The following C2CD3 variants were observed in gnomAD, a reference collection of about 807,000 sequenced individuals.
C2CD3 encodes the protein C2 domain containing 3 centriole elongation regulator.
C2CD3 carries 148 observed loss-of-function variants against 234.0 expected under a neutral mutation model. The observed-to-expected ratio is 0.63, with a 90% CI of 0.55 to 0.72. The LOEUF (loss-of-function observed/expected upper bound fraction) is 0.72. Ranked by LOEUF, C2CD3 falls within the 30% of genes least tolerant of loss-of-function variation. The pLI is 0.00. For synonymous variants in C2CD3, 1,000 were observed against 1,035.4 expected (o/e 0.97, Z 0.66); for missense variants, 2,577 against 2,811.5 (o/e 0.92, Z 1.89).
At chr11:74,145,343 G>T (rs1036866442) in intron 3 of C2CD3, among the ~76,000 whole-genome samples, 1 of 152,074 alleles carries the variant, frequency 6.6e-6, no homozygotes, top group African/African-American at 2.4e-5. Context: ...TTTCACGTTT[G>T]TTGGCGCATG....
At chr11:74,080,007 G>A (rs181641920) in intron 22 of C2CD3, among the ~76,000 whole-genome samples, 3 of 152,216 alleles carry the variant, frequency 2.0e-5, no homozygotes, top group African/African-American at 7.2e-5. Flanking sequence ...GTAAATTAAT[G>A]GGCACAGTGT....
intron 31 of C2CD3, 42 bp from the exon 32 acceptor site, chr11:74,028,440 C>T (rs1227930424): frequency 7.5e-7 from 1 of 1,328,948 alleles, no homozygotes; most frequent in Non-Finnish European, 1.0e-6. Flanking sequence ...AGAAGTCCAC[C>T]CCTCTTGCAG....
chr11:74,049,907 A>G (rs1036986012), intron 26 of C2CD3, among the ~76,000 whole-genome samples: 2 of 152,076 alleles, frequency 1.3e-5, no homozygotes, highest in Admixed American at 6.6e-5. Context: ...CAGTCTCCCA[A>G]GTAGCTAGGA....
At chr11:74,131,866 C>G (rs891446527) in intron 7 of C2CD3, among the ~76,000 whole-genome samples, 5 of 152,136 alleles carry the variant, frequency 3.3e-5, no homozygotes, top group Admixed American at 2.6e-4. Context: ...GCTTTTGGAG[C>G]CTTTGAAACA....
At chr11:74,099,849 T>C (rs1252298952) in intron 15 of C2CD3, among the ~76,000 whole-genome samples, 2 of 148,580 alleles carry the variant, frequency 1.3e-5, no homozygotes, top group African/African-American at 5.0e-5. Flanking sequence ...TGAGCCGAGA[T>C]CGTGCCACTG....
intron 13 of C2CD3, among the ~76,000 whole-genome samples, chr11:74,105,390 C>T (rs568418706): frequency 4.6e-5 from 7 of 152,206 alleles, no homozygotes; most frequent in African/African-American, 1.7e-4. Context: ...TGTGTCTCAG[C>T]CTCCCGAGTA....
intron 23 of C2CD3, among the ~76,000 whole-genome samples, chr11:74,077,129 G>A (rs567922636): frequency 6.6e-6 from 1 of 151,878 alleles, no homozygotes; most frequent in African/African-American, 2.4e-5. Context: ...TTTTCTTTAT[G>A]GTTCCAAGAT....
rs929612760 is a variant in C2CD3 at position 74,034,274 on chromosome 11, C to A, written c.5886G>T (p.Leu1962=). 6.5e-7 allele frequency: 1 copy of A among 1,534,158 alleles called. No individual in the cohort carries two copies. The highest frequency in any genetic ancestry group is 8.7e-7 in the Non-Finnish European group (1 of 1,145,730). The change falls in exon 31 of 33, where the codon CTG becomes CTT. Residue 1962 remains leucine (L), a synonymous_variant. Transcript: ENST00000334126. ...VLQVSSLITD[L]QTITRDSQAA... is the part of the protein sequence containing the mutation. ...CTTGCGAATCCCTGGTGATAGTCTG[C>A]AGATCTGAACAGCAACACATATCAC...
In C2CD3 at chr11:74,028,410, G is replaced by T; in HGVS notation, c.6810-12C>A. 2 of 1,518,118 alleles carry T rather than the reference G, an allele frequency of 1.3e-6. No individual in the cohort carries two copies. Among genetic ancestry groups the T allele is most frequent in the Non-Finnish European group, 1.8e-6 (2 of 1,132,342 alleles). 94.0% of individuals were successfully genotyped at this position (1,518,118 alleles called of 1,614,324 possible). A position where few individuals can be genotyped will look rare whatever the true frequency, so the allele number is the denominator to read the frequency against. Reference sequence around the variant, plus strand: ...CAATGGGCCCTGGGCTACAATGGTAGTTAAGGGACAAAAATACCTAGAAGT... The same window carrying T: ...CAATGGGCCCTGGGCTACAATGGTATTTAAGGGACAAAAATACCTAGAAGT... On this transcript the variant is annotated splice_polypyrimidine_tract_variant and intron_variant, in intron 31 of 32. Coordinates refer to ENST00000334126, the MANE Select transcript of C2CD3 (RefSeq NM_001286577.2).
chr11:74,056,541 A>G (rs1408454856), intron 25 of C2CD3, among the ~76,000 whole-genome samples: 1 of 152,226 alleles, frequency 6.6e-6, no homozygotes, highest in African/African-American at 2.4e-5. Flanking sequence ...CCTTATAAAA[A>G]TGATCCCCAC....
intron 3 of C2CD3, among the ~76,000 whole-genome samples, chr11:74,159,264 T>G (rs1243035618): frequency 1.3e-5 from 2 of 152,218 alleles, no homozygotes; most frequent in African/African-American, 4.8e-5. Flanking sequence ...GGTTTACAAT[T>G]TACTATATTA....
chr11:74,148,896 T>C (rs1211891468), intron 3 of C2CD3, among the ~76,000 whole-genome samples: 1 of 152,222 alleles, frequency 6.6e-6, no homozygotes, highest in Non-Finnish European at 1.5e-5. Flanking sequence ...AGTTCCATCA[T>C]TCACTGCATG....
intron 3 of C2CD3, among the ~76,000 whole-genome samples, chr11:74,145,162 T>C (rs188067902): frequency 9.6e-4 from 146 of 152,340 alleles, no homozygotes; most frequent in African/African-American, 3.3e-3. Flanking sequence ...CCAGAACGGT[T>C]GAACTGATTT....
At chr11:74,017,135 C>T (rs1951909798) in intron 32 of C2CD3, among the ~76,000 whole-genome samples, 1 of 152,148 alleles carries the variant, frequency 6.6e-6, no homozygotes, top group Non-Finnish European at 1.5e-5. Context: ...AAACCTATTA[C>T]TAGAAGAGGG....
At chr11:74,053,593 T>A (rs758458110) in intron 26 of C2CD3, among the ~76,000 whole-genome samples, 1 of 152,148 alleles carries the variant, frequency 6.6e-6, no homozygotes, top group Non-Finnish European at 1.5e-5. Context: ...AGAAAAAATA[T>A]GTGGTTAGAC....
chr11:74,133,710 G>C, intron 5 of C2CD3, 153 bp from the exon 6 acceptor site: 1 of 700,796 alleles, frequency 1.4e-6, no homozygotes, highest in Non-Finnish European at 2.4e-6. Flanking sequence ...ATTCCTTGAG[G>C]ACATTTACGC....
rs751277068 is a variant in C2CD3 at position 74,133,461 on chromosome 11, G to C, written c.1052C>G (p.Pro351Arg). The change falls in exon 6 of 33, where the codon CCT becomes CGT. Residue 351 changes from proline to arginine, a missense_variant. Coordinates refer to ENST00000334126, the MANE Select transcript of C2CD3 (RefSeq NM_001286577.2). ...ETSMLLDQVH[P>R]PINEDSLRAS... is the part of the protein sequence containing the mutation. ...TCTAAGAGAATCTTCATTAATAGGA[G>C]GATGAACTTGGTCCAACAACATGCT... 1.2e-6 allele frequency: 2 copies of C among 1,613,526 alleles called. No homozygotes were observed. The highest frequency in any genetic ancestry group is 1.1e-5 in the South Asian group (1 of 91,048).
At chr11:74,120,112 T>C (rs970400452) in intron 8 of C2CD3, among the ~76,000 whole-genome samples, 3 of 152,186 alleles carry the variant, frequency 2.0e-5, no homozygotes, top group African/African-American at 4.8e-5. Flanking sequence ...AACAGCATGA[T>C]TGTAAGATTA....
Position 74,042,186 on chromosome 11 carries a change from T to C in C2CD3, c.5528A>G (p.His1843Arg). ...SDTTRSQASR[H>R]EEHVQNIRRF... ...GCGAATGTTCTGCACATGCTCTTCA[T>C]GGCGTGATGCTTGGCTTCTTGTGGT... Residue 1843 changes from histidine to arginine, a missense_variant, in exon 29 of 33, where the codon CAT (histidine) becomes CGT (arginine). Physicochemically the swap from His to Arg is conservative, Grantham distance 29. Transcript: ENST00000334126. 1 of 1,608,374 alleles carries C rather than the reference T, an allele frequency of 6.2e-7. No homozygotes were observed. The highest frequency in any genetic ancestry group is 8.5e-7 in the Non-Finnish European group (1 of 1,179,232).
Sources: allele counts gnomAD v4.1 joint callset (sites outside exome capture counted in the v4.1 genomes callset), GRCh38; gene constraint gnomAD v4.1.1; transcripts MANE v1.5; gene names NCBI Gene and HGNC (gene_info 2026-07-23, HGNC 2026-07-21).